GRIK2: variants seen among roughly 807,000 people sequenced by gnomAD.
GRIK2 encodes glutamate ionotropic receptor kainate type subunit 2, also known as glutamate receptor ionotropic, kainate 2.
In GRIK2, 32 loss-of-function variants were observed where a neutral mutation model predicts 100.3. The observed-to-expected ratio is 0.32, with a 90% CI of 0.24 to 0.43. The LOEUF is 0.43. GRIK2 is among the 20% of genes least tolerant of loss of function. The pLI, the probability that GRIK2 is intolerant of heterozygous loss-of-function variation, is 1.00. For missense variants in GRIK2, 843 were observed against 1,114.9 expected, an observed-to-expected ratio of 0.76 and a Z score of 3.47; for synonymous variants, 417 against 389.4, an observed-to-expected ratio of 1.07 and a Z score of -0.83.
At chr6:101,636,203 G>A (rs1282663070) in intron 4 of GRIK2, among the ~76,000 whole-genome samples, 1 of 152,086 alleles carries the variant, frequency 6.6e-6, no homozygotes. Flanking sequence ...CCTTTGCAGG[G>A]TCATAGATGA....
At chr6:101,698,674 G>A (rs897163927) in intron 7 of GRIK2, among the ~76,000 whole-genome samples, 1 of 151,956 alleles carries the variant, frequency 6.6e-6, no homozygotes, top group African/African-American at 2.4e-5. Context: ...GCAATGTATG[G>A]TATTATATCA....
intron 4 of GRIK2, among the ~76,000 whole-genome samples, chr6:101,667,411 G>C (rs1044433803): frequency 1.3e-5 from 2 of 152,214 alleles, no homozygotes; most frequent in African/African-American, 4.8e-5. Context: ...AAGTATGTAT[G>C]TGTATGATTC....
At chr6:102,058,842 A>G (rs1366107823) in intron 16 of GRIK2, among the ~76,000 whole-genome samples, 1 of 151,484 alleles carries the variant, frequency 6.6e-6, no homozygotes, top group Non-Finnish European at 1.5e-5. Flanking sequence ...GAAAGCACGA[A>G]TGTATTGGTG....
At chr6:101,775,652 C>T (rs1001675864) in intron 7 of GRIK2, among the ~76,000 whole-genome samples, 7 of 151,460 alleles carry the variant, frequency 4.6e-5, no homozygotes, top group South Asian at 2.1e-4. Context: ...TTCCCCGCCC[C>T]GGTCTGAGCT....
intron 2 of GRIK2, among the ~76,000 whole-genome samples, chr6:101,504,633 C>T (rs1207204174): frequency 1.3e-5 from 2 of 151,708 alleles, no homozygotes; most frequent in African/African-American, 2.4e-5. Context: ...CAGTAGTTGA[C>T]ACACTGGATT....
At chr6:101,740,122 A>G (rs1250408465) in intron 7 of GRIK2, among the ~76,000 whole-genome samples, 1 of 152,184 alleles carries the variant, frequency 6.6e-6, no homozygotes, top group Non-Finnish European at 1.5e-5. Flanking sequence ...TTGGAGTCTA[A>G]ATTCCCAGCA....
At chr6:101,698,403 G>A (rs56408232) in intron 7 of GRIK2, among the ~76,000 whole-genome samples, 424 of 152,094 alleles carry the variant, frequency 2.8e-3, no homozygotes, top group African/African-American at 9.9e-3. Flanking sequence ...TTTGCCTAAC[G>A]GATATTAGGA....
At chr6:101,575,430 A>G (rs1777747668) in intron 2 of GRIK2, among the ~76,000 whole-genome samples, 1 of 152,028 alleles carries the variant, frequency 6.6e-6, no homozygotes, top group Non-Finnish European at 1.5e-5. Flanking sequence ...GAAATAGCAT[A>G]AAGTCTGTAA....
At chr6:101,477,043 T>A (rs971196943) in intron 2 of GRIK2, among the ~76,000 whole-genome samples, 13 of 152,214 alleles carry the variant, frequency 8.5e-5, no homozygotes, top group Non-Finnish European at 1.6e-4. Context: ...TTTTAAACTC[T>A]CTATCGCCTA....
chr6:101,897,269 AT>A (rs1003320756), intron 12 of GRIK2, among the ~76,000 whole-genome samples: 89 of 151,156 alleles, frequency 5.9e-4, no homozygotes, highest in African/African-American at 5.6e-4. Flanking sequence ...CAGAATAAAT[AT>A]TTTTTTGAGG....
intron 2 of GRIK2, among the ~76,000 whole-genome samples, chr6:101,537,949 G>A (rs902172926): frequency 2.6e-5 from 4 of 151,724 alleles, no homozygotes; most frequent in African/African-American, 9.7e-5. Context: ...GAAATATGAT[G>A]GAGATGAACT....
intron 14 of GRIK2, among the ~76,000 whole-genome samples, chr6:101,995,528 C>G (rs1794603618): frequency 6.6e-6 from 1 of 152,014 alleles, no homozygotes; most frequent in East Asian, 1.9e-4. Flanking sequence ...ATTATTGATA[C>G]TACTTGACAG....
At chr6:101,640,277 C>T (rs1781222885) in intron 4 of GRIK2, among the ~76,000 whole-genome samples, 1 of 152,134 alleles carries the variant, frequency 6.6e-6, no homozygotes, top group African/African-American at 2.4e-5. Context: ...TCACATTTAC[C>T]AATATCTCTG....
chr6:101,516,479 A>G (rs1774591544), intron 2 of GRIK2, among the ~76,000 whole-genome samples: 1 of 152,000 alleles, frequency 6.6e-6, no homozygotes, highest in Non-Finnish European at 1.5e-5. Flanking sequence ...CAAAAACATA[A>G]AGTGGGGAAA....
chr6:101,686,098 CA>C, intron 6 of GRIK2, 81 bp from the exon 7 acceptor site: 10 of 1,200,614 alleles, frequency 8.3e-6, no homozygotes, highest in Middle Eastern at 2.5e-4. Context: ...CTAAAAAAAA[CA>C]AAAAAAGTGA....
intron 2 of GRIK2, among the ~76,000 whole-genome samples, chr6:101,618,750 A>G (rs983519489): frequency 1.3e-5 from 2 of 151,598 alleles, no homozygotes; most frequent in African/African-American, 2.4e-5. Flanking sequence ...TTTCATTGAT[A>G]TAGTCAAACA....
intron 2 of GRIK2, among the ~76,000 whole-genome samples, chr6:101,473,374 TTA>T (rs1256583732): frequency 1.3e-5 from 2 of 151,782 alleles, no homozygotes; most frequent in African/African-American, 4.8e-5. Flanking sequence ...CGAGTTTTTC[TTA>T]TATGTTTCCC....
At chr6:101,946,094 A>C (rs1356488015) in intron 14 of GRIK2, among the ~76,000 whole-genome samples, 1 of 152,064 alleles carries the variant, frequency 6.6e-6, no homozygotes, top group East Asian at 1.9e-4. Context: ...TAACATATAC[A>C]CAGAATAATT....
rs945251780 is a variant in GRIK2 at position 102,069,786 on chromosome 6, T to A, written c.*1275T>A. 6.6e-6 allele frequency: 1 copy of A among 151,998 alleles called. No individual in the cohort carries two copies. The highest frequency in any genetic ancestry group is 1.5e-5 in the Non-Finnish European group (1 of 67,972). 9.4% of individuals were successfully genotyped at this position (151,998 alleles called of 1,614,324 possible). A position where few individuals can be genotyped will look rare whatever the true frequency, so the allele number is the denominator to read the frequency against. On this transcript the variant is annotated 3_prime_UTR_variant, in exon 17 of 17. Transcript: ENST00000369134. ...TGTCAAGCATGAATGGTAGTGCGTGTGCACCACCAACGTTTGGTGAAAACT... is the reference window on the plus strand; with the variant it reads ...TGTCAAGCATGAATGGTAGTGCGTGAGCACCACCAACGTTTGGTGAAAACT...
Sources: gnomAD v4.1 joint callset for allele counts (sites outside exome capture counted in the v4.1 genomes callset) on GRCh38, gnomAD v4.1.1 for gene constraint, MANE v1.5 for transcripts, NCBI Gene and HGNC (gene_info 2026-07-23, HGNC 2026-07-21) for gene names.